CDH23: variants seen among roughly 807,000 people sequenced by gnomAD.
CDH23 encodes cadherin related 23.
A neutral mutation model predicts 317.1 loss-of-function variants in CDH23; 189 were observed. That is an observed-to-expected ratio of 0.60 (90% CI 0.53 to 0.67). The LOEUF is 0.67. CDH23 is among the 30% of genes least tolerant of loss of function. The pLI is 0.00. For missense variants in CDH23, 4,401 were observed against 4,592.4 expected, an observed-to-expected ratio of 0.96 and a Z score of 1.20; for synonymous variants, 1,839 against 1,876.8, an observed-to-expected ratio of 0.98 and a Z score of 0.52.
At chr10:71,462,391 T>TGGAGCTG (rs1851041787) in intron 3 of CDH23, among the ~76,000 whole-genome samples, 1 of 152,228 alleles carries the variant, frequency 6.6e-6, no homozygotes, top group South Asian at 2.1e-4. Context: ...GGAGCCCTGC[T>TGGAGCTG]GGAGCTGTGG....
chr10:71,518,465 C>T (rs989760040), intron 6 of CDH23, among the ~76,000 whole-genome samples: 1 of 152,198 alleles, frequency 6.6e-6, no homozygotes, highest in Non-Finnish European at 1.5e-5. Flanking sequence ...TTAGGAGGTC[C>T]AGTGGAGAAA....
At chr10:71,722,530 G>T (rs917048664) in intron 28 of CDH23, among the ~76,000 whole-genome samples, 1 of 152,224 alleles carries the variant, frequency 6.6e-6, no homozygotes, top group African/African-American at 2.4e-5. Flanking sequence ...CTGTGTGCCA[G>T]GATTGTTGTT....
chr10:71,607,669 G>A (rs1488917758), intron 9 of CDH23, among the ~76,000 whole-genome samples: 7 of 152,184 alleles, frequency 4.6e-5, no homozygotes, highest in Non-Finnish European at 1.0e-4. Context: ...TTTGGAGGCC[G>A]AGGCCAGAGG....
chr10:71,486,465 GA>G (rs1852352387), intron 3 of CDH23, among the ~76,000 whole-genome samples: 1 of 151,882 alleles, frequency 6.6e-6, no homozygotes, highest in Non-Finnish European at 1.5e-5. Context: ...AGGAGGCGGG[GA>G]TTATGAGGGG....
intron 3 of CDH23, among the ~76,000 whole-genome samples, chr10:71,496,563 T>C (rs541327260): frequency 1.3e-5 from 2 of 152,326 alleles, no homozygotes; most frequent in East Asian, 1.9e-4. Context: ...AGTCACAACG[T>C]TGGGAGTGTG....
intron 61 of CDH23, 21 bp downstream of exon 61, chr10:71,810,097 G>A: frequency 6.2e-7 from 1 of 1,608,544 alleles, no homozygotes; most frequent in Non-Finnish European, 8.5e-7. Flanking sequence ...GGCCCACCCG[G>A]GGCCGGGGCA....
At chr10:71,761,529 T>C (rs1365069840) in intron 38 of CDH23, 2 of 1,460,136 alleles carry the variant, frequency 1.4e-6, no homozygotes, top group Admixed American at 2.3e-5. Flanking sequence ...CACAGTGTCA[T>C]GAATGGTCAC....
chr10:71,633,965 C>T (rs1359246340), intron 11 of CDH23, among the ~76,000 whole-genome samples: 2 of 152,246 alleles, frequency 1.3e-5, no homozygotes, highest in African/African-American at 2.4e-5. Flanking sequence ...GCAGCTGTAG[C>T]GGTGTCCCCT....
chr10:71,727,595 G>C (rs979880389), intron 30 of CDH23, among the ~76,000 whole-genome samples: 78 of 152,322 alleles, frequency 5.1e-4, no homozygotes, highest in African/African-American at 1.8e-3. Context: ...GCCCCAGTGA[G>C]GGGCCGGGGA....
chr10:71,814,745 C>T (rs1029251622), intron 69 of CDH23, among the ~76,000 whole-genome samples: 2 of 152,086 alleles, frequency 1.3e-5, no homozygotes, highest in African/African-American at 4.8e-5. Flanking sequence ...CAGATTTTCA[C>T]AAGAAGCCAA....
At chr10:71,794,063 G>A (rs1841339513) in intron 48 of CDH23, among the ~76,000 whole-genome samples, 1 of 152,042 alleles carries the variant, frequency 6.6e-6, no homozygotes, top group African/African-American at 2.4e-5. Context: ...GTGCAATGGT[G>A]CAATCTCGGC....
intron 38 of CDH23, chr10:71,761,709 G>T (rs760032960): frequency 6.2e-7 from 1 of 1,613,942 alleles, no homozygotes; most frequent in Admixed American, 1.7e-5. Context: ...GTCAGGTTGC[G>T]CATGGTGATG....
chr10:71,517,680 T>C (rs904115273), intron 6 of CDH23, among the ~76,000 whole-genome samples: 1 of 152,208 alleles, frequency 6.6e-6, no homozygotes, highest in Non-Finnish European at 1.5e-5. Flanking sequence ...CAGGCCATAT[T>C]AATTTATACC....
intron 3 of CDH23, among the ~76,000 whole-genome samples, chr10:71,491,715 A>G (rs1166210183): frequency 2.0e-5 from 3 of 152,186 alleles, no homozygotes; most frequent in Non-Finnish European, 2.9e-5. Context: ...CACACATTGG[A>G]AAAGATGAGG....
At chr10:71,611,230 G>A (rs1860871085) in intron 9 of CDH23, among the ~76,000 whole-genome samples, 1 of 152,220 alleles carries the variant, frequency 6.6e-6, no homozygotes, top group Non-Finnish European at 1.5e-5. Flanking sequence ...GAAGTGAAGG[G>A]AGCGAGGCAG....
At chr10:71,802,589 T>C (rs1017425488) in intron 53 of CDH23, among the ~76,000 whole-genome samples, 1 of 151,838 alleles carries the variant, frequency 6.6e-6, no homozygotes, top group African/African-American at 2.4e-5. Flanking sequence ...AAGTAGGAGG[T>C]GTGAGGGGAT....
chr10:71,425,232 G>GGAGAGAGAGAGAGAGAGAGA (rs748338206), intron 1 of CDH23, among the ~76,000 whole-genome samples: 14 of 73,952 alleles, frequency 1.9e-4, no homozygotes, highest in African/African-American at 5.6e-4. Context: ...AGAGAGAGAG[G>GGAGAGAGAGAGAGAGAGAGA]GAGAGAGAGA....
chr10:71,523,689 C>T (rs1174448124), intron 6 of CDH23, among the ~76,000 whole-genome samples: 2 of 152,158 alleles, frequency 1.3e-5, no homozygotes, highest in African/African-American at 2.4e-5. Context: ...TGGTGAGGGG[C>T]AGGAGGAGGG....
At chr10:71,774,494 G>T (rs781769326) in intron 38 of CDH23, among the ~76,000 whole-genome samples, 3 of 152,220 alleles carry the variant, frequency 2.0e-5, no homozygotes, top group South Asian at 2.1e-4. Flanking sequence ...ATAACCAGCA[G>T]TTGGTTCTTC....
Sources: gnomAD v4.1 joint callset for allele counts (sites outside exome capture counted in the v4.1 genomes callset) on GRCh38, gnomAD v4.1.1 for gene constraint, MANE v1.5 for transcripts, NCBI Gene and HGNC (gene_info 2026-07-23, HGNC 2026-07-21) for gene names.